Variants in DYNC1LI2 observed in about 807,000 individuals in gnomAD.
DYNC1LI2 encodes dynein cytoplasmic 1 light intermediate chain 2, also known as cytoplasmic dynein 1 light intermediate chain 2.
Under a neutral mutation model 57.8 loss-of-function variants are expected in DYNC1LI2, and 19 were observed. The ratio of observed to expected loss-of-function variants is 0.33; its 90% confidence interval spans 0.23 to 0.48. DYNC1LI2 has a LOEUF of 0.48. DYNC1LI2 is among the 20% of genes least tolerant of loss of function. DYNC1LI2 has a pLI of 0.99. For missense variants in DYNC1LI2, 470 were observed against 604.2 expected (o/e 0.78, Z 2.33); for synonymous variants, 256 against 233.4 (o/e 1.10, Z -0.88).
Position 66,722,043 on chromosome 16 carries a change from G to GA in DYNC1LI2, c.*1678dup, listed in dbSNP as rs2017457530. 2 of 152,562 alleles carry GA rather than the reference G, an allele frequency of 1.3e-5. No individual in the cohort carries two copies. Among genetic ancestry groups the GA allele is most frequent in the South Asian group, 4.2e-4 (2 of 4,816 alleles). 9.5% of individuals were successfully genotyped at this position (152,562 alleles called of 1,614,324 possible). ...TTTTTAAAAAACTGAATTAAAAAAG[G>GA]AAAAAAATAGTATATCTCAACAATA... is the stretch of plus-strand genomic sequence containing the variant. On this transcript the variant is annotated 3_prime_UTR_variant, in exon 13 of 13. Transcript: ENST00000258198.
In DYNC1LI2 at chr16:66,742,686, T is replaced by A; in HGVS notation, c.299-18A>T. ...CGTGTGATCTGAGAAAACAAGTGAA[T>A]GAAGCTAGTTACCACCTGACAGTGA... is the stretch of plus-strand genomic sequence containing the variant. On this transcript the variant is annotated intron_variant, in intron 3 of 12. Transcript: ENST00000258198. 9.9e-6 allele frequency: 16 copies of A among 1,610,768 alleles called. No individual in the cohort carries two copies. Among genetic ancestry groups the A allele is most frequent in the Non-Finnish European group, 1.4e-5 (16 of 1,177,870 alleles).
rs1243648348 is a variant in DYNC1LI2, at chr16:66,722,377, AGTGTTT to A, written c.*1339_*1344del. ...ACATTTTATACATTAAATTCATGGTAGTGTTTGCATTTAAATGCTGTCATATATAAA... is the reference window on the plus strand; with the variant it reads ...ACATTTTATACATTAAATTCATGGTAGCATTTAAATGCTGTCATATATAAA... On this transcript the variant is annotated 3_prime_UTR_variant, in exon 13 of 13. Transcript: ENST00000258198. 1 of 152,648 alleles carries A rather than the reference AGTGTTT, an allele frequency of 6.6e-6. No individual in the cohort carries two copies. Among genetic ancestry groups the A allele is most frequent in the African/African-American group, 2.4e-5 (1 of 41,454 alleles). 9.5% of individuals were successfully genotyped at this position (152,648 alleles called of 1,614,324 possible).
Position 66,722,709 on chromosome 16 carries a change from T to G in DYNC1LI2, c.*1013A>C, listed in dbSNP as rs2144960650. On this transcript the variant is annotated 3_prime_UTR_variant, in exon 13 of 13. Coordinates refer to ENST00000258198, the MANE Select transcript of DYNC1LI2 (RefSeq NM_006141.3). ...CCACAAGTCATAAGGCAGGGCTTGG[T>G]ACGAGCCAATTAACCAGAGTGCAAT... 6.5e-6 allele frequency: 1 copy of G among 153,272 alleles called. No homozygotes were observed. Among genetic ancestry groups the G allele is most frequent in the South Asian group, 2.1e-4 (1 of 4,848 alleles). The allele number at this position is 153,272 out of a possible 1,614,324, so 9.5% of individuals were successfully genotyped here.
intron 3 of DYNC1LI2, among the ~76,000 whole-genome samples, chr16:66,748,103 A>G (rs921583537): frequency 1.9e-4 from 29 of 151,894 alleles, no homozygotes; most frequent in African/African-American, 6.5e-4. Context: ...CCTGAGCAAC[A>G]TAGTGAAACC....
chr16:66,739,860 T>C (rs1338638679), intron 4 of DYNC1LI2, among the ~76,000 whole-genome samples: 1 of 152,228 alleles, frequency 6.6e-6, no homozygotes, highest in Non-Finnish European at 1.5e-5. Context: ...GGTATACACA[T>C]ACTGCAGTGT....
intron 4 of DYNC1LI2, among the ~76,000 whole-genome samples, chr16:66,740,665 A>G (rs1031832045): frequency 6.6e-6 from 1 of 152,186 alleles, no homozygotes; most frequent in African/African-American, 2.4e-5. Flanking sequence ...AGCCTCCTTA[A>G]GAGACAGCAG....
chr16:66,728,977 AC>A (rs1310592122), intron 9 of DYNC1LI2, 62 bp downstream of exon 9: 7 of 1,573,914 alleles, frequency 4.4e-6, no homozygotes. Flanking sequence ...CCCCAACCCC[AC>A]CCTAGGGACT....
intron 3 of DYNC1LI2, 101 bp downstream of exon 3, chr16:66,749,096 A>G: frequency 1.7e-6 from 2 of 1,161,532 alleles, no homozygotes; most frequent in East Asian, 4.7e-5. Context: ...AGAACCAAAC[A>G]GAAAACTGAG....
chr16:66,741,325 C>A (rs997074747), intron 4 of DYNC1LI2, among the ~76,000 whole-genome samples: 3 of 152,194 alleles, frequency 2.0e-5, no homozygotes, highest in African/African-American at 7.2e-5. Flanking sequence ...AAAAAAGAGG[C>A]ATTATCTAGA....
rs923860189 is a variant in DYNC1LI2, at chr16:66,722,146, C to T, written c.*1576G>A. ...CTCCTTAACAGTGTTCAGACCTTTA[C>T]GAAAGCAATTCAAGAAAGTCTTCAA... On this transcript the variant is annotated 3_prime_UTR_variant, in exon 13 of 13. Coordinates refer to ENST00000258198, the MANE Select transcript of DYNC1LI2 (RefSeq NM_006141.3). 4.6e-5 allele frequency: 7 copies of T among 152,588 alleles called. No individual in the cohort carries two copies. The highest frequency in any genetic ancestry group is 1.4e-4 in the African/African-American group (6 of 41,436). 9.5% of individuals were successfully genotyped at this position (152,588 alleles called of 1,614,324 possible).
chr16:66,727,894 A>G (rs965987658), intron 10 of DYNC1LI2, 89 bp from the exon 11 acceptor site: 1 of 1,197,632 alleles, frequency 8.3e-7, no homozygotes, highest in African/African-American at 1.5e-5. Context: ...TCTGAGGGAT[A>G]TTTTTCACAG....
At chr16:66,724,315 C>G (rs149201396) in intron 12 of DYNC1LI2, among the ~76,000 whole-genome samples, 55 of 152,248 alleles carry the variant, frequency 3.6e-4, no homozygotes, top group Non-Finnish European at 4.3e-4. Context: ...AAAATCTATA[C>G]TTGTATTTTT....
rs190009507 is a variant in DYNC1LI2 at position 66,728,386 on chromosome 16, A to C, written c.1102-144T>G. ...ATGTTTTATACCACAGATGCCAAAA[A>C]ATTTTAATTGAGCCGTTTGGTATAT... On this transcript the variant is annotated intron_variant, in intron 9 of 12. Transcript: ENST00000258198. 2,830 of 893,292 alleles carry C rather than the reference A, an allele frequency of 3.2e-3. 15 individuals carry two copies. Among genetic ancestry groups the C allele is most frequent in the Admixed American group, 4.1e-3 (165 of 40,122 alleles). The allele number at this position is 893,292 out of a possible 1,614,324, so 55.3% of individuals were successfully genotyped here. A position where few individuals can be genotyped will look rare whatever the true frequency, so the allele number is the denominator to read the frequency against.
intron 4 of DYNC1LI2, among the ~76,000 whole-genome samples, chr16:66,741,453 A>AT (rs2017834205): frequency 6.6e-6 from 1 of 152,226 alleles, no homozygotes; most frequent in Non-Finnish European, 1.5e-5. Flanking sequence ...TGTTAAACTC[A>AT]TTGTTTTAGA....
chr16:66,728,989 G>C, intron 9 of DYNC1LI2, 51 bp downstream of exon 9: 5 of 1,596,500 alleles, frequency 3.1e-6, no homozygotes, highest in Non-Finnish European at 4.3e-6. Flanking sequence ...CCTAGGGACT[G>C]GCATTTCATG....
chr16:66,745,563 C>T (rs1178247084), intron 3 of DYNC1LI2, among the ~76,000 whole-genome samples: 1 of 150,524 alleles, frequency 6.6e-6, no homozygotes, highest in African/African-American at 2.4e-5. Flanking sequence ...CAGGCGTGAG[C>T]CACCGCGCCC....
At chr16:66,735,950 C>T in intron 5 of DYNC1LI2, 125 bp downstream of exon 5, 2 of 1,265,534 alleles carry the variant, frequency 1.6e-6, no homozygotes, top group Non-Finnish European at 2.2e-6. Flanking sequence ...ATTCAATGTA[C>T]CTTAATGAAT....
intron 12 of DYNC1LI2, among the ~76,000 whole-genome samples, chr16:66,725,035 G>A (rs1274357984): frequency 1.3e-5 from 2 of 151,998 alleles, no homozygotes; most frequent in Middle Eastern, 3.4e-3. Flanking sequence ...TTAGCCGGAT[G>A]TGGTGGCGCG....
intron 7 of DYNC1LI2, chr16:66,732,057 T>G (rs1275148723): frequency 1.1e-5 from 4 of 373,434 alleles, no homozygotes; most frequent in African/African-American, 8.3e-5. Context: ...CTATATTCCC[T>G]CCCCAGCCAG....
Sources: gnomAD v4.1 joint callset for allele counts (sites outside exome capture counted in the v4.1 genomes callset) on GRCh38, gnomAD v4.1.1 for gene constraint, MANE v1.5 for transcripts, NCBI Gene and HGNC (gene_info 2026-07-23, HGNC 2026-07-21) for gene names.